DST: variants seen among roughly 807,000 people sequenced by gnomAD.
The protein encoded by DST is bullous pemphigoid antigen.
In DST, 253 loss-of-function variants were observed where a neutral mutation model predicts 875.2. That is an observed-to-expected ratio of 0.29 (90% CI 0.26 to 0.32). The LOEUF is 0.32. Ranked by LOEUF, DST falls within the 10% of genes least tolerant of loss-of-function variation. The probability of loss-of-function intolerance (pLI) is 1.00; values close to 1 mark genes in which losing one functional copy is unlikely to be tolerated. For synonymous variants in DST, 3,124 were observed against 3,197.1 expected (o/e 0.98, Z 0.77); for missense variants, 8,287 against 9,111.6 (o/e 0.91, Z 3.68).
chr6:56,569,267 G>A (rs1469692128), intron 54 of DST, among the ~76,000 whole-genome samples: 3 of 149,296 alleles, frequency 2.0e-5, no homozygotes, highest in Non-Finnish European at 3.0e-5. Context: ...AGAGCTTGCA[G>A]TGAGCCAAGA....
intron 26 of DST, 51 bp downstream of exon 26, chr6:56,634,411 T>G (rs1352617598): frequency 6.2e-7 from 1 of 1,611,122 alleles, no homozygotes; most frequent in Non-Finnish European, 8.5e-7. Flanking sequence ...TCCTTCAACC[T>G]TCAGAGGGCC....
chr6:56,838,293 T>C (rs983807268), intron 4 of DST, among the ~76,000 whole-genome samples: 1 of 152,240 alleles, frequency 6.6e-6, no homozygotes, highest in Non-Finnish European at 1.5e-5. Flanking sequence ...TCCATCTTGT[T>C]ATCACCTCTA....
At position 56,527,585 on chromosome 6, in the gene DST, T is replaced by C. The variant is rs1252419878; in HGVS notation, c.17830A>G (p.Thr5944Ala). 1.2e-6 allele frequency: 2 copies of C among 1,613,782 alleles called. No individual in the cohort carries two copies. The highest frequency in any genetic ancestry group is 1.7e-6 in the Non-Finnish European group (2 of 1,179,854). The change falls in exon 68 of 104, where the codon ACC becomes GCC. Residue 5944 changes from threonine (T) to alanine (A), a missense_variant. Physicochemically the swap from Thr to Ala is moderately conservative, Grantham distance 58. Coordinates refer to ENST00000680361, the MANE Select transcript of DST (RefSeq NM_001374736.1). ...TCCACCTCCACTTTGTCCAGCCAGG[T>C]ACACAGCTCTTCGTGTGTGGAGTGC... ...RLHSTHEELC[T>A]WLDKVEVELL...
intron 49 of DST, among the ~76,000 whole-genome samples, chr6:56,587,900 G>A (rs540952643): frequency 8.6e-5 from 13 of 152,012 alleles, no homozygotes; most frequent in South Asian, 4.2e-4. Flanking sequence ...CTAAAAGAGC[G>A]CCTGAAGGAA....
At chr6:56,681,553 T>C (rs568313290) in intron 9 of DST, among the ~76,000 whole-genome samples, 1 of 152,318 alleles carries the variant, frequency 6.6e-6, no homozygotes, top group East Asian at 1.9e-4. Context: ...CCATCTTCTG[T>C]GCTTTTGAAA....
chr6:56,630,516 A>T lies in DST; in HGVS notation c.4143-133T>A. 5 of 833,912 alleles carry T rather than the reference A, an allele frequency of 6.0e-6. No individual in the cohort carries two copies. In the South Asian group the frequency reaches 7.9e-5, roughly 13 times the overall value. 51.7% of individuals were successfully genotyped at this position (833,912 alleles called of 1,614,324 possible). A position where few individuals can be genotyped will look rare whatever the true frequency, so the allele number is the denominator to read the frequency against. Reference sequence around the variant, plus strand: ...GGAACACTGATACATTTACTATGAAACTGACATTTTTCTGGCTTTCTTCTT... The same window carrying T: ...GGAACACTGATACATTTACTATGAATCTGACATTTTTCTGGCTTTCTTCTT... On this transcript the variant is annotated intron_variant, in intron 30 of 103. Transcript: ENST00000680361.
chr6:56,641,421 C>T (rs553593367), intron 17 of DST, among the ~76,000 whole-genome samples: 1 of 151,922 alleles, frequency 6.6e-6, no homozygotes, highest in Non-Finnish European at 1.5e-5. Context: ...ACCCTGCCTC[C>T]ACTAAAAATA....
At position 56,598,557 on chromosome 6, in the gene DST, T is replaced by C; in HGVS notation, c.11847A>G (p.Glu3949=). The C allele has an allele frequency of 1.2e-6, 2 of 1,611,756 alleles. No individual in the cohort carries two copies. The highest frequency in any genetic ancestry group is 1.1e-5 in the South Asian group (1 of 90,572). Residue 3949 remains glutamate (E), a synonymous_variant, in exon 46 of 104, where the codon GAA becomes GAG. Coordinates refer to ENST00000680361, the MANE Select transcript of DST (RefSeq NM_001374736.1). ...QKLNEAKIKC[E]QLNLKAEQSK... ...ACTGTTCTGCTTTTAAATTAAGCTG[T>C]TCACACTTTATCTTAGCTTCATTAA... is the stretch of plus-strand genomic sequence containing the variant.
chr6:56,506,502 G>A lies in DST; in HGVS notation c.19405C>T (p.Arg6469Trp). 1.2e-6 allele frequency: 2 copies of A among 1,613,038 alleles called. No individual in the cohort carries two copies. The highest frequency in any genetic ancestry group is 1.7e-6 in the Non-Finnish European group (2 of 1,179,478). The change falls in exon 77 of 104, where the codon CGG becomes TGG. Residue 6469 changes from arginine to tryptophan, a missense_variant. Physicochemically the swap from Arg to Trp is moderately radical, Grantham distance 101. This residue lies in a region of DST where 1,292 missense variants were observed against 1,552.7 expected (regional missense o/e 0.83). Coordinates refer to ENST00000680361, the MANE Select transcript of DST (RefSeq NM_001374736.1). ...WDSLNKAWKDRIDKLEEAMQA... is the reference protein window; with the variant it reads ...WDSLNKAWKDWIDKLEEAMQA... ...ATTGCCTCCTCAAGTTTGTCAATCCGGTCTTTCCAAGCTTTATTTAGAGAA... is the reference window on the plus strand; with the variant it reads ...ATTGCCTCCTCAAGTTTGTCAATCCAGTCTTTCCAAGCTTTATTTAGAGAA...
rs555473872 is a variant in DST at position 56,916,823 on chromosome 6, C to CACAGAG, written c.217-16203_217-16202insCTCTGT. ...ACACACACACACACACACACACACA[C>CACAGAG]AGAGAGACAGAGAGAGAAAAGCTAT... is the stretch of plus-strand genomic sequence containing the variant. On this transcript the variant is annotated intron_variant, in intron 2 of 103. Transcript: ENST00000680361. Among the ~76,000 whole-genome samples, 835 of 140,628 alleles carry CACAGAG rather than the reference C, an allele frequency of 5.9e-3. 10 individuals are homozygous for CACAGAG. Among genetic ancestry groups the CACAGAG allele is most frequent in the African/African-American group, 0.02 (733 of 36,732 alleles). The allele number at this position is 140,628 out of a possible 152,430, so 92.3% of individuals were successfully genotyped here.
intron 2 of DST, among the ~76,000 whole-genome samples, chr6:56,925,138 T>C (rs1806363509): frequency 6.6e-6 from 1 of 152,176 alleles, no homozygotes; most frequent in Non-Finnish European, 1.5e-5. Context: ...AAAGTATTTC[T>C]TTAATTTAAT....
chr6:56,954,293 G>A lies in DST; in HGVS notation c.181+114C>T, dbSNP rs556751146. On this transcript the variant is annotated intron_variant, in intron 1 of 103. Transcript: ENST00000680361. Reference sequence around the variant, plus strand: ...AAGAAACGCACTCAGCCTGGGGAGTGGGCAATGATGGGGCTAGGGGCAGCC... The same window carrying A: ...AAGAAACGCACTCAGCCTGGGGAGTAGGCAATGATGGGGCTAGGGGCAGCC... 7.1e-6 allele frequency: 5 copies of A among 706,732 alleles called. No individual in the cohort carries two copies. The East Asian group carries it at 2.8e-4, about 39-fold the overall frequency. 43.8% of individuals were successfully genotyped at this position (706,732 alleles called of 1,614,324 possible).
intron 4 of DST, among the ~76,000 whole-genome samples, chr6:56,785,315 T>C (rs2099702911): frequency 1.3e-5 from 2 of 152,112 alleles, no homozygotes; most frequent in South Asian, 4.1e-4. Flanking sequence ...CCCCCAGAGG[T>C]GGAGCCTACA....
At position 56,526,517 on chromosome 6, in the gene DST, A is replaced by C. The variant is rs752073259; in HGVS notation, c.17973T>G (p.Asn5991Lys). 1 of 1,613,744 alleles carries C rather than the reference A, an allele frequency of 6.2e-7. No individual in the cohort carries two copies. The highest frequency in any genetic ancestry group is 1.1e-5 in the South Asian group (1 of 91,086). ...GTTCCAGCAAAGCACTGCTCACTTC[A>C]TTAAGGGAGTCCAGTAAGGCTTTGT... Reference protein sequence around the residue: ...KNNKALLDSLNEVSSALLELV... With the variant: ...KNNKALLDSLKEVSSALLELV... Residue 5991 changes from asparagine (N) to lysine (K), a missense_variant, in exon 69 of 104, where the codon AAT becomes AAG. Asn to Lys is a moderately conservative substitution (Grantham distance 94). Around this residue, in one of 10 missense-constraint regions of DST, gnomAD observed 777 missense variants for 764.8 expected, o/e 1.02. Transcript: ENST00000680361.
At chr6:56,642,295 G>C in intron 16 of DST, 115 bp downstream of exon 16, 1 of 908,698 alleles carries the variant, frequency 1.1e-6, no homozygotes, top group South Asian at 1.4e-5. Flanking sequence ...CAAACTTTAA[G>C]TTTCAGTGGA....
intron 4 of DST, among the ~76,000 whole-genome samples, chr6:56,824,645 C>T (rs1398330324): frequency 6.6e-6 from 1 of 152,120 alleles, no homozygotes; most frequent in African/African-American, 2.4e-5. Context: ...AGGAGCGCCT[C>T]TGACCGGCCG....
At chr6:56,532,539 G>T in intron 63 of DST, 29 bp from the exon 64 acceptor site, 1 of 1,535,064 alleles carries the variant, frequency 6.5e-7, no homozygotes. Context: ...ATATAAAAAA[G>T]CAAGGGAATA....
In DST at chr6:56,604,426, T is replaced by C. The variant is rs1220851808; in HGVS notation, c.10202A>G (p.Glu3401Gly). 6.2e-7 allele frequency: 1 copy of C among 1,609,732 alleles called. No individual in the cohort carries two copies. ...KRITTSQLVN[E>G]ASTVPSDSQM... The stretch of plus-strand genomic sequence containing the variant: ...AGAGTCGCTGGGCACAGTAGATGCC[T>C]CATTTACCAACTGTGATGTGGTAAT... The change falls in exon 40 of 104, where the codon GAG becomes GGG. Residue 3401 changes from glutamate (E) to glycine (G), a missense_variant. Coordinates refer to ENST00000680361, the MANE Select transcript of DST (RefSeq NM_001374736.1).
chr6:56,939,768 T>TA (rs1400503938), intron 2 of DST, among the ~76,000 whole-genome samples: 1 of 152,170 alleles, frequency 6.6e-6, no homozygotes, highest in Admixed American at 6.5e-5. Context: ...CTCACGCCTG[T>TA]AATCCCAGCA....
Sources: gnomAD v4.1 joint callset for allele counts (sites outside exome capture counted in the v4.1 genomes callset) on GRCh38, gnomAD v4.1.1 for gene constraint, gnomAD v4.1.1 regional missense constraint, MANE v1.5 for transcripts, NCBI Gene and HGNC (gene_info 2026-07-23, HGNC 2026-07-21) for gene names.